The following RAB35 variants were observed in gnomAD, a reference collection of about 807,000 sequenced individuals.
RAB35 encodes the protein RAB35, member RAS oncogene family.
A neutral mutation model predicts 28.9 loss-of-function variants in RAB35; 4 were observed. That is an observed-to-expected ratio of 0.14 (90% CI 0.07 to 0.32). RAB35 has a LOEUF of 0.32. Among genes scored for constraint, RAB35 ranks in the 10% least tolerant of loss-of-function variants. The pLI is 1.00. For synonymous variants in RAB35, 99 were observed against 105.1 expected (o/e 0.94, Z 0.35); for missense variants, 128 against 274.0 (o/e 0.47, Z 3.76).
intron 5 of RAB35, among the ~76,000 whole-genome samples, chr12:120,098,042 C>T (rs1007117646): frequency 6.6e-6 from 1 of 152,076 alleles, no homozygotes; most frequent in African/African-American, 2.4e-5. Flanking sequence ...CACCACCACG[C>T]CCGGCTAATT....
intron 1 of RAB35, among the ~76,000 whole-genome samples, chr12:120,111,177 C>T (rs1876102943): frequency 6.6e-6 from 1 of 152,362 alleles, no homozygotes; most frequent in Non-Finnish European, 1.5e-5. Flanking sequence ...ACTGACAGCT[C>T]TGCTATCCAG....
intron 1 of RAB35, among the ~76,000 whole-genome samples, chr12:120,109,035 T>C (rs1236351212): frequency 1.3e-5 from 2 of 152,126 alleles, no homozygotes; most frequent in Non-Finnish European, 2.9e-5. Flanking sequence ...GAGTGGAGGG[T>C]CTGCCTTATA....
chr12:120,113,025 G>C (rs938758389), intron 1 of RAB35, among the ~76,000 whole-genome samples: 3 of 151,538 alleles, frequency 2.0e-5, no homozygotes, highest in Non-Finnish European at 4.4e-5. Context: ...CGAGTAGCTG[G>C]GATTACAGGT....
At chr12:120,108,776 C>A in intron 1 of RAB35, 1 of 531,394 alleles carries the variant, frequency 1.9e-6, no homozygotes, top group Non-Finnish European at 3.5e-6. Flanking sequence ...AGATGCCAGA[C>A]GACAAAGCAG....
intron 1 of RAB35, among the ~76,000 whole-genome samples, chr12:120,114,207 C>T (rs1202238210): frequency 6.6e-6 from 1 of 152,202 alleles, no homozygotes; most frequent in African/African-American, 2.4e-5. Context: ...GATTCTCCTG[C>T]CTCAGTCTCC....
At chr12:120,101,805 C>G (rs73410857) in intron 3 of RAB35, among the ~76,000 whole-genome samples, 3,547 of 152,314 alleles carry the variant, frequency 0.023, 146 homozygotes, top group African/African-American at 0.081. Flanking sequence ...GGGAAAAACC[C>G]ATGTTGCTCC....
chr12:120,099,640 T>G (rs1030327441), intron 3 of RAB35, among the ~76,000 whole-genome samples: 7 of 152,122 alleles, frequency 4.6e-5, no homozygotes, highest in African/African-American at 1.7e-4. Flanking sequence ...CTGGGGCAGG[T>G]AGGCACCTCC....
chr12:120,110,289 C>CCTTTTTTTTTTTTTTTTTTTT (rs1430969524), intron 1 of RAB35, among the ~76,000 whole-genome samples: 1 of 24,968 alleles, frequency 4.0e-5, no homozygotes, highest in African/African-American at 1.9e-4. Context: ...AAGCCCACAG[C>CCTTTTTTTTTTTTTTTTTTTT]ATTTTTTTTT....
intron 1 of RAB35, among the ~76,000 whole-genome samples, chr12:120,112,773 G>A (rs1384723144): frequency 1.3e-5 from 2 of 149,288 alleles, no homozygotes; most frequent in Non-Finnish European, 3.0e-5. Context: ...CACCCAGGCT[G>A]GAGTGCAGTT....
In RAB35 at chr12:120,112,728, CCT is replaced by C. The variant is rs1491254585; in HGVS notation, c.52+3869_52+3870del. Reference sequence around the variant, plus strand: ...ACAGGTGTGAGCTACCGTGCCTGGACCTTTTTTTTTTTTTGAGACAGTGTCTC... The same window carrying C: ...ACAGGTGTGAGCTACCGTGCCTGGACTTTTTTTTTTTTGAGACAGTGTCTC... On this transcript the variant is annotated intron_variant, in intron 1 of 5. Coordinates refer to ENST00000229340, the MANE Select transcript of RAB35 (RefSeq NM_006861.7). Among the ~76,000 whole-genome samples the C allele has an allele frequency of 4.0e-3, 449 of 112,900 alleles. 1 individual carries two copies. Among genetic ancestry groups the C allele is most frequent in the African/African-American group, 9.6e-3 (381 of 39,740 alleles). The allele number at this position is 112,900 out of a possible 152,430, so 74.1% of individuals were successfully genotyped here.
rs202018032 is a variant in RAB35, at chr12:120,098,821, T to C, written c.467A>G (p.Asn156Ser). The C allele has an allele frequency of 3.9e-5, 63 of 1,614,188 alleles. No homozygotes were observed. The highest frequency in any genetic ancestry group is 2.9e-4 in the East Asian group (13 of 44,872). Residue 156 changes from asparagine (N) to serine (S), a missense_variant, in exon 5 of 6, where the codon AAC (asparagine) becomes AGC (serine). Transcript: ENST00000229340. ...GGCCCAGGGCCTCACCTCTTCCACG[T>C]TGACATTCTCCTTGGCGCTGGTCTC... is the stretch of plus-strand genomic sequence containing the variant. ...LFETSAKENVNVEEMFNCITE... is the reference protein window; with the variant it reads ...LFETSAKENVSVEEMFNCITE...
chr12:120,110,029 C>T (rs867344172), intron 1 of RAB35, among the ~76,000 whole-genome samples: 34 of 152,124 alleles, frequency 2.2e-4, no homozygotes, highest in African/African-American at 5.8e-4. Flanking sequence ...CCAGAGTGGC[C>T]GGCCTAAGTG....
chr12:120,110,265 T>G (rs1249268543), intron 1 of RAB35, among the ~76,000 whole-genome samples: 1 of 140,006 alleles, frequency 7.1e-6, no homozygotes, highest in Non-Finnish European at 1.5e-5. Flanking sequence ...AGCCTAGGTG[T>G]CTGTTCATGG....
intron 1 of RAB35, among the ~76,000 whole-genome samples, chr12:120,114,147 G>A (rs1442414578): frequency 2.0e-5 from 3 of 152,162 alleles, no homozygotes; most frequent in Admixed American, 6.5e-5. Context: ...AGGCTGGAGT[G>A]CAATAGTGCG....
intron 3 of RAB35, among the ~76,000 whole-genome samples, chr12:120,101,659 C>A (rs577297440): frequency 6.6e-6 from 1 of 152,212 alleles, no homozygotes; most frequent in African/African-American, 2.4e-5. Context: ...CCCCTCAGGG[C>A]GCCCTGCTGG....
In RAB35 at chr12:120,116,734, G is replaced by C; in HGVS notation, c.-84C>G. On this transcript the variant is annotated 5_prime_UTR_variant, in exon 1 of 6. Coordinates refer to ENST00000229340, the MANE Select transcript of RAB35 (RefSeq NM_006861.7). ...GCTCCCTTCGGGCTGCTCCGGCAGC[G>C]GCGGATCCACTTCCCGAACAAACAG... 5 of 1,202,100 alleles carry C rather than the reference G, an allele frequency of 4.2e-6. No homozygotes were observed. In the South Asian group the frequency reaches 2.1e-4, roughly 50 times the overall value. 74.5% of individuals were successfully genotyped at this position (1,202,100 alleles called of 1,614,324 possible). A position where few individuals can be genotyped will look rare whatever the true frequency, so the allele number is the denominator to read the frequency against.
Position 120,096,936 on chromosome 12 carries a change from C to T in RAB35, c.*309G>A, listed in dbSNP as rs1430583177. The stretch of plus-strand genomic sequence containing the variant: ...GCCAGAGCAGGACGTGGTGTGCGGC[C>T]GGGTAGAGCAATATACACTATGTAC... On this transcript the variant is annotated 3_prime_UTR_variant, in exon 6 of 6. Coordinates refer to ENST00000229340, the MANE Select transcript of RAB35 (RefSeq NM_006861.7). 3.7e-6 allele frequency: 5 copies of T among 1,367,752 alleles called. No homozygotes were observed. The highest frequency in any genetic ancestry group is 3.8e-6 in the Non-Finnish European group (4 of 1,040,180). 84.7% of individuals were successfully genotyped at this position (1,367,752 alleles called of 1,614,324 possible).
intron 2 of RAB35, among the ~76,000 whole-genome samples, chr12:120,107,465 T>A (rs1875932927): frequency 6.6e-6 from 1 of 152,102 alleles, no homozygotes; most frequent in South Asian, 2.1e-4. Context: ...TGGGACTGGA[T>A]TAAATGACTC....
chr12:120,115,854 G>A (rs541853880), intron 1 of RAB35, among the ~76,000 whole-genome samples: 1 of 152,300 alleles, frequency 6.6e-6, no homozygotes, highest in South Asian at 2.1e-4. Context: ...TGTGCCAGGA[G>A]CTGTGAGCAA....
Sources: gnomAD v4.1 joint callset for allele counts (sites outside exome capture counted in the v4.1 genomes callset) on GRCh38, gnomAD v4.1.1 for gene constraint, MANE v1.5 for transcripts, NCBI Gene and HGNC (gene_info 2026-07-23, HGNC 2026-07-21) for gene names.